Variants in PIEZO1 observed in about 807,000 individuals in gnomAD.
PIEZO1 encodes the protein piezo type mechanosensitive ion channel component 1 (Er blood group).
A neutral mutation model predicts 297.2 loss-of-function variants in PIEZO1; 296 were observed. That is an observed-to-expected ratio of 1.00 (90% CI 0.91 to 1.10). PIEZO1 has a LOEUF of 1.10. Ranked by LOEUF, PIEZO1 falls within the 50% of genes least tolerant of loss-of-function variation. The pLI is 0.00. For missense variants in PIEZO1, 5,018 were observed against 3,455.5 expected (o/e 1.45, Z -11.34); for synonymous variants, 2,427 against 1,507.5 (o/e 1.61, Z -14.13).
chr16:88,759,842 A>G (rs575699451), intron 1 of PIEZO1, among the ~76,000 whole-genome samples: 251 of 152,288 alleles, frequency 1.6e-3, no homozygotes, highest in African/African-American at 5.8e-3. Context: ...CTACCACCCC[A>G]GAGTGCCAGC....
At chr16:88,723,365 G>T (rs933412048) in intron 31 of PIEZO1, 37 bp from the exon 32 acceptor site, 34 of 1,534,888 alleles carry the variant, frequency 2.2e-5, no homozygotes, top group Non-Finnish European at 2.9e-5. Flanking sequence ...CCGGCCTCCC[G>T]AGCCATCAGA....
At chr16:88,778,046 G>A (rs1214410976) in intron 1 of PIEZO1, among the ~76,000 whole-genome samples, 2 of 152,238 alleles carry the variant, frequency 1.3e-5, no homozygotes, top group Non-Finnish European at 2.9e-5. Flanking sequence ...TTAAGTCACA[G>A]TTGAGTTTCA....
intron 1 of PIEZO1, among the ~76,000 whole-genome samples, chr16:88,776,409 G>C (rs1031151560): frequency 1.3e-5 from 2 of 152,070 alleles, no homozygotes; most frequent in Admixed American, 6.5e-5. Flanking sequence ...ACTCCAGCCA[G>C]GGCGACAGAG....
chr16:88,717,941 G>C (rs1242106725), intron 44 of PIEZO1: 1 of 371,374 alleles, frequency 2.7e-6, no homozygotes, highest in African/African-American at 2.1e-5. Flanking sequence ...AGACTAGCCA[G>C]GCCTGGTGGT....
chr16:88,763,458 G>C (rs899688073), intron 1 of PIEZO1, among the ~76,000 whole-genome samples: 2 of 152,184 alleles, frequency 1.3e-5, no homozygotes, highest in African/African-American at 2.4e-5. Flanking sequence ...CAGAAGGTTC[G>C]CTTGACCCTG....
At chr16:88,742,691 G>A (rs1245808484) in intron 2 of PIEZO1, 2 of 482,596 alleles carry the variant, frequency 4.1e-6, no homozygotes, top group Non-Finnish European at 7.4e-6. Flanking sequence ...GGCCTCCCAG[G>A]CTCAGAGGAA....
At chr16:88,734,242 C>T (rs1188794522) in intron 16 of PIEZO1, 114 bp downstream of exon 16, 2 of 1,217,384 alleles carry the variant, frequency 1.6e-6, no homozygotes, top group East Asian at 2.6e-5. Flanking sequence ...TGAGCAAATG[C>T]CCCTTGGGAT....
intron 16 of PIEZO1, 50 bp downstream of exon 16, chr16:88,734,306 C>T (rs934752123): frequency 7.6e-6 from 11 of 1,440,006 alleles, no homozygotes; most frequent in African/African-American, 7.2e-5. Context: ...CCCTCCCTGG[C>T]CCAGGAGGCT....
intron 11 of PIEZO1, 32 bp from the exon 12 acceptor site, chr16:88,736,440 A>G: frequency 6.6e-7 from 1 of 1,514,422 alleles, no homozygotes; most frequent in Admixed American, 2.0e-5. Context: ...ACAGCTGCCC[A>G]GCGCACCCCA....
At position 88,734,441 on chromosome 16, in the gene PIEZO1, G is replaced by A. The variant is rs1264990280; in HGVS notation, c.2095C>T (p.His699Tyr). The A allele has an allele frequency of 1.3e-6, 2 of 1,549,902 alleles. No homozygotes were observed. The highest frequency in any genetic ancestry group is 1.2e-5 in the South Asian group (1 of 84,056). Residue 699 changes from histidine (H) to tyrosine (Y), a missense_variant, in exon 16 of 51, where the codon CAC becomes TAC. By Grantham distance (83) the His-to-Tyr change is moderately conservative. Coordinates refer to ENST00000301015, the MANE Select transcript of PIEZO1 (RefSeq NM_001142864.4). ...TGCATGAAGGGCCTGTGGAAGTAGT[G>A]CAGCTGCAGGATGCAGGCCAGGAGG... ...FFLLACILQL[H>Y]YFHRPFMQLT... is the part of the protein sequence containing the mutation.
chr16:88,720,604 G>T lies in PIEZO1; in HGVS notation c.5801+12C>A. On this transcript the variant is annotated intron_variant, in intron 40 of 50. Coordinates refer to ENST00000301015, the MANE Select transcript of PIEZO1 (RefSeq NM_001142864.4). ...CCCCACTCCCCAGCTGCCCCCGGCCGCCATCACTCACAGGGACAGGCAGAA... is the reference window on the plus strand; with the variant it reads ...CCCCACTCCCCAGCTGCCCCCGGCCTCCATCACTCACAGGGACAGGCAGAA... The T allele has an allele frequency of 7.4e-7, 1 of 1,345,280 alleles. No homozygotes were observed. Among genetic ancestry groups the T allele is most frequent in the Non-Finnish European group, 9.9e-7 (1 of 1,006,330 alleles). 83.3% of individuals were successfully genotyped at this position (1,345,280 alleles called of 1,614,324 possible).
chr16:88,723,916 C>G lies in PIEZO1; in HGVS notation c.4290G>C (p.Glu1430Asp), dbSNP rs539058296. Residue 1430 changes from glutamate to aspartate, a missense_variant, in exon 31 of 51, where the codon GAG becomes GAC. Physicochemically the swap from Glu to Asp is conservative, Grantham distance 45. Coordinates refer to ENST00000301015, the MANE Select transcript of PIEZO1 (RefSeq NM_001142864.4). ...ACGGCCTCGGGTCTTCAGGAACAGC[C>G]TCCTCCTCTTCCTCACTGTCGGACT... is the stretch of plus-strand genomic sequence containing the variant. ...LFESDSEEEE[E>D]AVPEDPRPSA... is the part of the protein sequence containing the mutation. The G allele has an allele frequency of 1.8e-4, 272 of 1,549,802 alleles. 3 individuals carry two copies. The South Asian group carries it at 3.0e-3, about 17-fold the overall frequency.
chr16:88,726,249 C>T (rs777407393), intron 27 of PIEZO1, 35 bp downstream of exon 27: 16 of 1,511,988 alleles, frequency 1.1e-5, no homozygotes, highest in Admixed American at 1.0e-4. Flanking sequence ...AGCCCCAAGA[C>T]GGGAGCTCTG....
In PIEZO1 at chr16:88,719,596, T is replaced by C. The variant is rs1335137193; in HGVS notation, c.6449A>G (p.Lys2150Arg). ...CACCTTCTCTGTCTCTCGGCTGCAT[T>C]TGATGATGAAGATGTTGGCATAGAT... ...EDIYANIFII[K>R]CSRETEKKYP... is the part of the protein sequence containing the mutation. Residue 2150 changes from lysine to arginine, a missense_variant, in exon 44 of 51, where the codon AAA becomes AGA. By Grantham distance (26) the Lys-to-Arg change is conservative. Coordinates refer to ENST00000301015, the MANE Select transcript of PIEZO1 (RefSeq NM_001142864.4). The C allele has an allele frequency of 3.2e-6, 5 of 1,551,266 alleles. No individual in the cohort carries two copies. In the South Asian group the frequency reaches 5.9e-5, roughly 18 times the overall value.
At position 88,736,722 on chromosome 16, in the gene PIEZO1, C is replaced by T; in HGVS notation, c.1213G>A (p.Glu405Lys). ...TGGAGCGGAGACGCCTCCCTGGGCT[C>T]AGCCCGCTTGGGCCGCACTGCAGGT... ...LRRPVRPKRA[E>K]PREASPLHSL... The change falls in exon 11 of 51, where the codon GAG (glutamate) becomes AAG (lysine). Residue 405 changes from glutamate to lysine, a missense_variant. By Grantham distance (56) the Glu-to-Lys change is moderately conservative. Transcript: ENST00000301015. 2 of 1,531,388 alleles carry T rather than the reference C, an allele frequency of 1.3e-6. No homozygotes were observed. The highest frequency in any genetic ancestry group is 1.2e-5 in the South Asian group (1 of 83,796). The allele number at this position is 1,531,388 out of a possible 1,614,324, so 94.9% of individuals were successfully genotyped here.
chr16:88,751,654 T>G (rs1906395816), intron 1 of PIEZO1, among the ~76,000 whole-genome samples: 1 of 151,360 alleles, frequency 6.6e-6, no homozygotes, highest in Non-Finnish European at 1.5e-5. Flanking sequence ...TAAAGTTTTT[T>G]GACGATTATA....
chr16:88,731,887 G>A lies in PIEZO1; in HGVS notation c.3015C>T (p.Asn1005=), dbSNP rs748845956. ...GAAAGTTCATGCGCTGCCCGATCAC[G>A]TTCACGGCCATCAGGAAGCAGATCT... The part of the protein sequence containing the change: ...GLEICFLMAV[N]VIGQRMNFLV... The change falls in exon 22 of 51, where the codon AAC becomes AAT. Residue 1005 remains asparagine (N), a synonymous_variant. Coordinates refer to ENST00000301015, the MANE Select transcript of PIEZO1 (RefSeq NM_001142864.4). The A allele has an allele frequency of 1.6e-5, 24 of 1,517,784 alleles. No homozygotes were observed. Among genetic ancestry groups the A allele is most frequent in the Admixed American group, 1.0e-4 (5 of 48,606 alleles). 94.0% of individuals were successfully genotyped at this position (1,517,784 alleles called of 1,614,324 possible).
At chr16:88,718,019 G>C (rs914681624) in intron 44 of PIEZO1, 1 of 326,458 alleles carries the variant, frequency 3.1e-6, no homozygotes, top group Admixed American at 4.8e-5. Context: ...GGAGGCAGAG[G>C]CTACAGTGAG....
chr16:88,738,385 G>C lies in PIEZO1; in HGVS notation c.690C>G (p.Leu230=), dbSNP rs774523922. The C allele has an allele frequency of 6.5e-7, 1 of 1,535,874 alleles. No homozygotes were observed. The highest frequency in any genetic ancestry group is 1.2e-5 in the South Asian group (1 of 84,064). ...SSVYLLLFLA[L]CTWWACHFPI... The stretch of plus-strand genomic sequence containing the variant: ...GAAAGTGGCAGGCCCACCAGGTGCA[G>C]AGGGCCAGGAAGAGCAGCAGGTAGA... The change falls in exon 7 of 51, where the codon CTC becomes CTG. Residue 230 remains leucine, a synonymous_variant. Transcript: ENST00000301015.
Sources: gnomAD v4.1 joint callset for allele counts (sites outside exome capture counted in the v4.1 genomes callset) on GRCh38, gnomAD v4.1.1 for gene constraint, MANE v1.5 for transcripts, NCBI Gene and HGNC (gene_info 2026-07-23, HGNC 2026-07-21) for gene names.